Variants in PKD1L1 observed in about 807,000 individuals in gnomAD.
The protein encoded by PKD1L1 is polycystin 1 like 1, transient receptor potential channel interacting.
A neutral mutation model predicts 323.4 loss-of-function variants in PKD1L1; 236 were observed. The ratio of observed to expected loss-of-function variants is 0.73; its 90% CI spans 0.66 to 0.81. The LOEUF is 0.81. PKD1L1 is among the 40% of genes least tolerant of loss of function. The pLI is 0.00. For missense variants in PKD1L1, 3,320 were observed against 3,508.0 expected (o/e 0.95, Z 1.35); for synonymous variants, 1,344 against 1,335.0 (o/e 1.01, Z -0.15).
intron 46 of PKD1L1, chr7:47,819,571 G>GT (rs1324906261): frequency 7.3e-7 from 1 of 1,364,174 alleles, no homozygotes; most frequent in African/African-American, 1.5e-5. Context: ...GGTCATGGAT[G>GT]GAAATAACTG....
At chr7:47,827,565 G>T in intron 44 of PKD1L1, 97 bp from the exon 45 acceptor site, 5 of 1,012,702 alleles carry the variant, frequency 4.9e-6, no homozygotes, top group Non-Finnish European at 7.1e-6. Flanking sequence ...TCATTGCTGT[G>T]CTGTGCCTTC....
At chr7:47,879,632 C>CAAAAA (rs1254218793) in intron 21 of PKD1L1, among the ~76,000 whole-genome samples, 1 of 58,734 alleles carries the variant, frequency 1.7e-5, no homozygotes, top group African/African-American at 6.9e-5. Flanking sequence ...GACTTTGTCT[C>CAAAAA]AAAAAAAAAA....
At chr7:47,911,598 A>G (rs533678949) in intron 8 of PKD1L1, among the ~76,000 whole-genome samples, 1 of 152,360 alleles carries the variant, frequency 6.6e-6, no homozygotes, top group African/African-American at 2.4e-5. Flanking sequence ...CTAGGAGTTA[A>G]TCCAAAAACA....
chr7:47,844,684 A>G (rs1785628876), intron 33 of PKD1L1, among the ~76,000 whole-genome samples: 1 of 152,208 alleles, frequency 6.6e-6, no homozygotes, highest in Admixed American at 6.5e-5. Flanking sequence ...GTAGATATCA[A>G]CCCTATCAAT....
chr7:47,840,419 G>A lies in PKD1L1; in HGVS notation c.5552+42C>T. On this transcript the variant is annotated intron_variant, in intron 35 of 56. Transcript: ENST00000289672. The surrounding 1 kb of genome is among the most constrained non-coding windows in gnomAD (Gnocchi z 4.1). ...GATAAGGTTACACCAATTCTGATTG[G>A]CCTCTCTTTCCCAAATCTAGCAGTG... is the stretch of plus-strand genomic sequence containing the variant. 1 of 1,431,558 alleles carries A rather than the reference G, an allele frequency of 7.0e-7. No homozygotes were observed. The highest frequency in any genetic ancestry group is 1.2e-5 in the South Asian group (1 of 86,878). The allele number at this position is 1,431,558 out of a possible 1,614,324, so 88.7% of individuals were successfully genotyped here.
chr7:47,938,868 G>C (rs1309040318), intron 3 of PKD1L1, among the ~76,000 whole-genome samples: 1 of 152,236 alleles, frequency 6.6e-6, no homozygotes, highest in Admixed American at 6.5e-5. Flanking sequence ...AATCTTCAGA[G>C]GCAGGGCTTG....
chr7:47,943,163 A>ATATAT (rs1488130702), intron 2 of PKD1L1, among the ~76,000 whole-genome samples: 1 of 34,148 alleles, frequency 2.9e-5, no homozygotes, highest in African/African-American at 1.0e-4. Flanking sequence ...AAAAAAAAAA[A>ATATAT]ATATATATAT....
chr7:47,832,780 C>T (rs557798284), intron 41 of PKD1L1, among the ~76,000 whole-genome samples: 1 of 152,238 alleles, frequency 6.6e-6, no homozygotes, highest in Admixed American at 6.5e-5. Flanking sequence ...CTGGGACTAT[C>T]GTTCACTGTC....
upstream of PKD1L1, among the ~76,000 whole-genome samples, chr7:47,952,381 G>C (rs1788216526): frequency 6.6e-6 from 1 of 152,294 alleles, no homozygotes; most frequent in South Asian, 2.1e-4. Context: ...GGTGGCTTTG[G>C]GGAAGTGAGC....
chr7:47,783,180 A>T (rs547948029), intron 56 of PKD1L1, among the ~76,000 whole-genome samples: 2 of 152,180 alleles, frequency 1.3e-5, no homozygotes, highest in African/African-American at 2.4e-5. Flanking sequence ...TAAAAGTATT[A>T]TTTAAAATAG....
intron 51 of PKD1L1, among the ~76,000 whole-genome samples, chr7:47,808,865 G>A (rs559919614): frequency 1.2e-4 from 18 of 152,294 alleles, no homozygotes; most frequent in African/African-American, 3.4e-4. Flanking sequence ...ATTACTGTAC[G>A]CTAATGTAGA....
At chr7:47,823,796 C>G (rs1056105635) in intron 45 of PKD1L1, among the ~76,000 whole-genome samples, 2 of 152,232 alleles carry the variant, frequency 1.3e-5, no homozygotes, top group African/African-American at 2.4e-5. Flanking sequence ...AATATCCCCC[C>G]TCCTGTTATG....
chr7:47,803,054 C>T (rs1784699212), intron 53 of PKD1L1, among the ~76,000 whole-genome samples, 156 bp downstream of exon 53: 1 of 152,162 alleles, frequency 6.6e-6, no homozygotes, highest in African/African-American at 2.4e-5. Flanking sequence ...CTATTGATAT[C>T]AGTTATCTAA....
At chr7:47,937,555 T>A (rs1002474222) in intron 3 of PKD1L1, among the ~76,000 whole-genome samples, 1 of 152,008 alleles carries the variant, frequency 6.6e-6, no homozygotes, top group African/African-American at 2.4e-5. Context: ...CACGCTCCAA[T>A]GCACAGAAGC....
chr7:47,816,083 C>T (rs967934941), intron 46 of PKD1L1, among the ~76,000 whole-genome samples: 6 of 152,138 alleles, frequency 3.9e-5, no homozygotes, highest in East Asian at 1.9e-4. Context: ...AGCGCCGGGG[C>T]TAGGGTAAAC....
intron 8 of PKD1L1, 114 bp downstream of exon 8, chr7:47,915,318 G>C (rs1277271210): frequency 1.5e-6 from 1 of 650,054 alleles, no homozygotes; most frequent in Non-Finnish European, 2.8e-6. Flanking sequence ...GTAGCCCATA[G>C]AGTGTATAGC....
chr7:47,800,248 G>T (rs6463448), intron 54 of PKD1L1, among the ~76,000 whole-genome samples: 2 of 152,060 alleles, frequency 1.3e-5, no homozygotes, highest in African/African-American at 4.8e-5. Context: ...TGGAGAACAC[G>T]TCCAGTGGAG....
rs563767823 is a variant in PKD1L1 at position 47,928,370 on chromosome 7, AC to A, written c.1060+833del. The stretch of plus-strand genomic sequence containing the variant: ...GATCACTTGAGGTCAGGAGTTTGGG[AC>A]CAGCTAGGCCAACATAGTGAAACCC... On this transcript the variant is annotated intron_variant, in intron 7 of 56. Coordinates refer to ENST00000289672, the MANE Select transcript of PKD1L1 (RefSeq NM_138295.5). Among the ~76,000 whole-genome samples the A allele has an allele frequency of 1.4e-3, 215 of 152,242 alleles. 1 individual carries two copies. The highest frequency in any genetic ancestry group is 4.8e-3 in the African/African-American group (201 of 41,542).
At chr7:47,937,291 C>G (rs1467306467) in intron 3 of PKD1L1, among the ~76,000 whole-genome samples, 2 of 147,120 alleles carry the variant, frequency 1.4e-5, no homozygotes, top group Non-Finnish European at 1.5e-5. Context: ...TTTTTATACA[C>G]AGGGTCAGAG....
Sources: allele counts gnomAD v4.1 joint callset (sites outside exome capture counted in the v4.1 genomes callset), GRCh38; gene constraint gnomAD v4.1.1; non-coding constraint Gnocchi (gnomAD v3.1); transcripts MANE v1.5; gene names NCBI Gene and HGNC (gene_info 2026-07-23, HGNC 2026-07-21).